The following BMP6 variants were observed in gnomAD, a reference collection of about 807,000 sequenced individuals.
BMP6 encodes bone morphogenetic protein 6.
BMP6 carries 17 observed loss-of-function variants against 54.1 expected under a neutral mutation model. The observed-to-expected ratio is 0.31, with a 90% CI of 0.22 to 0.47. The LOEUF is 0.47. BMP6 is among the 20% of genes least tolerant of loss of function. The probability of loss-of-function intolerance (pLI) is 1.00; values close to 1 mark genes in which losing one functional copy is unlikely to be tolerated. For synonymous variants in BMP6, 328 were observed against 291.2 expected, an observed-to-expected ratio of 1.13 and a Z score of -1.28; for missense variants, 720 against 690.4, an observed-to-expected ratio of 1.04 and a Z score of -0.48.
At chr6:7,745,090 T>C (rs1757326717) in intron 1 of BMP6, among the ~76,000 whole-genome samples, 1 of 152,238 alleles carries the variant, frequency 6.6e-6, no homozygotes, top group South Asian at 2.1e-4. Context: ...TATTGGCCAT[T>C]GCCAGAAATG....
intron 2 of BMP6, among the ~76,000 whole-genome samples, chr6:7,856,043 A>G (rs139026214): frequency 6.8e-6 from 1 of 147,634 alleles, no homozygotes; most frequent in Non-Finnish European, 1.5e-5. Flanking sequence ...CTACAGAATC[A>G]AGGTGCATTT....
Position 7,727,084 on chromosome 6 carries a change from G to A in BMP6, c.129G>A (p.Leu43=). The change falls in exon 1 of 7, where the codon CTG becomes CTA. Residue 43 remains leucine, a synonymous_variant. Coordinates refer to ENST00000283147, the MANE Select transcript of BMP6 (RefSeq NM_001718.6). The stretch of plus-strand genomic sequence containing the variant: ...CGGCCGCCGCCGCCGGGGGGCAGCT[G>A]CTGGGGGACGGCGGGAGCCCCGGCC... ...AAAAAAAGGQ[L]LGDGGSPGRT... is the part of the protein sequence containing the mutation. The A allele has an allele frequency of 7.6e-7, 1 of 1,310,418 alleles. No individual in the cohort carries two copies. 81.2% of individuals were successfully genotyped at this position (1,310,418 alleles called of 1,614,324 possible).
chr6:7,729,521 A>AC (rs1216323578), intron 1 of BMP6, among the ~76,000 whole-genome samples: 1 of 152,022 alleles, frequency 6.6e-6, no homozygotes, highest in African/African-American at 2.4e-5. Context: ...CTGTAGTATC[A>AC]CCCGGGGGAC....
At chr6:7,875,374 C>T (rs1244027221) in intron 4 of BMP6, among the ~76,000 whole-genome samples, 2 of 152,010 alleles carry the variant, frequency 1.3e-5, no homozygotes, top group Non-Finnish European at 2.9e-5. Flanking sequence ...ACAGATACAC[C>T]CCAAAATAAT....
chr6:7,750,114 G>A lies in BMP6; in HGVS notation c.664+22495G>A, dbSNP rs73379785. Among the ~76,000 whole-genome samples, 1,218 of 152,232 alleles carry A rather than the reference G, an allele frequency of 8.0e-3. 19 individuals are homozygous for A. Among genetic ancestry groups the A allele is most frequent in the African/African-American group, 0.026 (1,089 of 41,528 alleles). The stretch of plus-strand genomic sequence containing the variant: ...GAGGGTGCTTTTACTCACTGTCAAT[G>A]CCATTTGTAGATCTACATCAACATT... On this transcript the variant is annotated intron_variant, in intron 1 of 6. Transcript: ENST00000283147.
At position 7,727,277 on chromosome 6, in the gene BMP6, C is replaced by T. The variant is rs1249530230; in HGVS notation, c.322C>T (p.Arg108Trp). The T allele has an allele frequency of 2.5e-6, 4 of 1,605,688 alleles. No homozygotes were observed. The highest frequency in any genetic ancestry group is 1.3e-5 in the African/African-American group (1 of 74,700). ...GLQQPQPPAL[R>W]QQEEQQQQQQ... The stretch of plus-strand genomic sequence containing the variant: ...CCAACAGCCGCAGCCCCCGGCGCTC[C>T]GGCAGCAGGAGGAGCAGCAGCAGCA... Residue 108 changes from arginine to tryptophan, a missense_variant, in exon 1 of 7, where the codon CGG (arginine) becomes TGG (tryptophan). Around this residue, in one of 3 missense-constraint regions of BMP6, gnomAD observed 650 missense variants for 556.3 expected, o/e 1.17. Transcript: ENST00000283147.
intron 1 of BMP6, among the ~76,000 whole-genome samples, chr6:7,842,989 G>A (rs1046833295): frequency 2.0e-5 from 3 of 152,192 alleles, no homozygotes; most frequent in African/African-American, 7.2e-5. Flanking sequence ...TTTTTAGAAA[G>A]TCTCTTTGGA....
In BMP6 at chr6:7,727,302, AGCAGCAGCT is replaced by A. The variant is rs774658607; in HGVS notation, c.350_358del (p.Gln117_Leu119del). On this transcript the variant is annotated inframe_deletion, in exon 1 of 7. Coordinates refer to ENST00000283147, the MANE Select transcript of BMP6 (RefSeq NM_001718.6). ...CGGCAGCAGGAGGAGCAGCAGCAGC[AGCAGCAGCT>A]GCCTCGCGGAGAGCCCCCTCCCGGG... 6.2e-6 allele frequency: 10 copies of A among 1,608,046 alleles called. No individual in the cohort carries two copies. Among genetic ancestry groups the A allele is most frequent in the African/African-American group, 4.0e-5 (3 of 74,868 alleles).
At chr6:7,867,965 G>T (rs1028060179) in intron 4 of BMP6, among the ~76,000 whole-genome samples, 1 of 152,180 alleles carries the variant, frequency 6.6e-6, no homozygotes, top group African/African-American at 2.4e-5. Flanking sequence ...GCTTATGCAG[G>T]TACCGTGAGA....
chr6:7,800,716 C>T (rs1437233313), intron 1 of BMP6, among the ~76,000 whole-genome samples: 1 of 152,126 alleles, frequency 6.6e-6, no homozygotes, highest in African/African-American at 2.4e-5. Context: ...GTCTTATTTC[C>T]ATATGCAGGA....
Position 7,727,171 on chromosome 6 carries a change from G to T in BMP6, c.216G>T (p.Lys72Asn). The change falls in exon 1 of 7, where the codon AAG (lysine) becomes AAT (asparagine). Residue 72 changes from lysine to asparagine, a missense_variant. Physicochemically the swap from Lys to Asn is moderately conservative, Grantham distance 94 (BLOSUM62 0). Around this residue, in one of 3 missense-constraint regions of BMP6, gnomAD observed 650 missense variants for 556.3 expected, o/e 1.17. Transcript: ENST00000283147. ...CGGGCTTCCTGTACCGGCGGCTCAA[G>T]ACGCAGGAGAAGCGGGAGATGCAGA... ...SSSGFLYRRL[K>N]TQEKREMQKE... The T allele has an allele frequency of 6.3e-7, 1 of 1,596,668 alleles. No individual in the cohort carries two copies. The highest frequency in any genetic ancestry group is 2.3e-5 in the East Asian group (1 of 43,934).
At chr6:7,848,546 ACT>A (rs1487374182) in intron 2 of BMP6, among the ~76,000 whole-genome samples, 1 of 149,962 alleles carries the variant, frequency 6.7e-6, no homozygotes, top group South Asian at 2.1e-4. Flanking sequence ...TACCCTAAAA[ACT>A]CTAGCCTCCA....
At chr6:7,850,679 A>G (rs1252408433) in intron 2 of BMP6, among the ~76,000 whole-genome samples, 1 of 152,226 alleles carries the variant, frequency 6.6e-6, no homozygotes, top group African/African-American at 2.4e-5. Context: ...GAACACAGGA[A>G]TAAGCAGAGT....
chr6:7,795,891 G>T (rs1039186318), intron 1 of BMP6, among the ~76,000 whole-genome samples: 2 of 152,146 alleles, frequency 1.3e-5, no homozygotes, highest in African/African-American at 4.8e-5. Context: ...CTAAATGAGA[G>T]AGTGAGGAGC....
chr6:7,861,659 T>C (rs1759338046), intron 3 of BMP6, 60 bp downstream of exon 3: 2 of 1,596,442 alleles, frequency 1.3e-6, no homozygotes, highest in Non-Finnish European at 1.7e-6. Flanking sequence ...CACATTTCCC[T>C]TACAGCAGTT....
chr6:7,835,929 C>T (rs1241808562), intron 1 of BMP6, among the ~76,000 whole-genome samples: 6 of 152,034 alleles, frequency 3.9e-5, no homozygotes, highest in South Asian at 4.2e-4. Flanking sequence ...CTCTGCCTCC[C>T]GGGTTCAAGC....
chr6:7,880,278 G>A lies in BMP6; in HGVS notation c.1477G>A (p.Asp493Asn), dbSNP rs781278506. 3 of 1,614,140 alleles carry A rather than the reference G, an allele frequency of 1.9e-6. No individual in the cohort carries two copies. Among genetic ancestry groups the A allele is most frequent in the South Asian group, 2.2e-5 (2 of 91,076 alleles). The change falls in exon 7 of 7, where the codon GAC becomes AAC. Residue 493 changes from aspartate (D) to asparagine (N), a missense_variant. Asp to Asn is a conservative substitution (Grantham distance 23). Around this residue, in one of 3 missense-constraint regions of BMP6, gnomAD observed 43 missense variants for 54.0 expected, o/e 0.80. Coordinates refer to ENST00000283147, the MANE Select transcript of BMP6 (RefSeq NM_001718.6). ...LNAISVLYFDDNSNVILKKYR... is the reference protein window; with the variant it reads ...LNAISVLYFDNNSNVILKKYR... ...TGCCATCTCGGTTCTTTACTTTGATGACAACTCCAATGTCATTCTGAAAAA... is the reference window on the plus strand; with the variant it reads ...TGCCATCTCGGTTCTTTACTTTGATAACAACTCCAATGTCATTCTGAAAAA...
At chr6:7,857,125 C>T (rs1158733269) in intron 2 of BMP6, among the ~76,000 whole-genome samples, 1 of 152,142 alleles carries the variant, frequency 6.6e-6, no homozygotes, top group Non-Finnish European at 1.5e-5. Context: ...TGAGCATGTG[C>T]CTTGGAGGCT....
Position 7,732,309 on chromosome 6 carries a change from A to T in BMP6, c.664+4690A>T, listed in dbSNP as rs569995453. On this transcript the variant is annotated intron_variant, in intron 1 of 6. Transcript: ENST00000283147. ...AAAGAGATTACAAAGAGTAAATTTGAAATTCAGTGGCATTTCAACAAAAAA... is the reference window on the plus strand; with the variant it reads ...AAAGAGATTACAAAGAGTAAATTTGTAATTCAGTGGCATTTCAACAAAAAA... 8.6e-4 allele frequency among the ~76,000 whole-genome samples: 131 copies of T among 152,376 alleles called. 1 individual carries two copies. Among genetic ancestry groups the T allele is most frequent in the Non-Finnish European group, 1.4e-3 (97 of 68,038 alleles).
Sources: allele counts gnomAD v4.1 joint callset (sites outside exome capture counted in the v4.1 genomes callset), GRCh38; gene constraint gnomAD v4.1.1; regional missense constraint gnomAD v4.1.1; transcripts MANE v1.5; gene names NCBI Gene and HGNC (gene_info 2026-07-23, HGNC 2026-07-21).